The following DPY19L1 variants were observed in gnomAD, a reference collection of about 807,000 sequenced individuals.
DPY19L1 encodes dpy-19 like C-mannosyltransferase 1, also known as protein C-mannosyl-transferase DPY19L1.
Under a neutral mutation model 96.9 loss-of-function variants are expected in DPY19L1, and 35 were observed. That is an observed-to-expected ratio of 0.36 (90% CI 0.28 to 0.48). DPY19L1 has a LOEUF of 0.48. DPY19L1 is among the 20% of genes least tolerant of loss of function. DPY19L1 has a pLI of 0.99. For missense variants in DPY19L1, 521 were observed against 777.9 expected (o/e 0.67, Z 3.93); for synonymous variants, 205 against 252.6 (o/e 0.81, Z 1.79).
At chr7:34,936,146 A>G (rs114199750) in intron 21 of DPY19L1, among the ~76,000 whole-genome samples, 3,098 of 152,330 alleles carry the variant, frequency 0.02, 51 homozygotes, top group African/African-American at 0.07. Context: ...GATTGCTCGT[A>G]AGTGACTTGA....
chr7:34,957,992 T>C lies in DPY19L1; in HGVS notation c.1171A>G (p.Ile391Val). 1 of 1,572,148 alleles carries C rather than the reference T, an allele frequency of 6.4e-7. No homozygotes were observed. The highest frequency in any genetic ancestry group is 2.0e-5 in the Admixed American group (1 of 50,776). The change falls in exon 11 of 22, where the codon ATT (isoleucine) becomes GTT (valine). Residue 391 changes from isoleucine to valine, a missense_variant. Ile to Val is a conservative substitution (Grantham distance 29). Transcript: ENST00000638088. ...TGTTAAGGAATACTTACCCAAATAA[T>C]TACCAAAGAAGAAGCATAATAAGAA... Reference protein sequence around the residue: ...LTSYYASSLVIIWGILAMKPH... With the variant: ...LTSYYASSLVVIWGILAMKPH...
intron 1 of DPY19L1, among the ~76,000 whole-genome samples, chr7:35,027,913 A>G (rs1198057041): frequency 6.6e-6 from 1 of 152,204 alleles, no homozygotes; most frequent in Non-Finnish European, 1.5e-5. Context: ...TCTAGAAATC[A>G]GTGGTCTACA....
Position 35,028,900 on chromosome 7 carries a change from G to A in DPY19L1, c.298+8197C>T, listed in dbSNP as rs116881673. 9.9e-5 allele frequency among the ~76,000 whole-genome samples: 15 copies of A among 152,266 alleles called. No individual in the cohort carries two copies. The East Asian group carries it at 2.7e-3, about 27-fold the overall frequency. On this transcript the variant is annotated intron_variant, in intron 1 of 21. Coordinates refer to ENST00000638088, the MANE Select transcript of DPY19L1 (RefSeq NM_001366673.1). The stretch of plus-strand genomic sequence containing the variant: ...GCCATGGCATTTGTAAACTGTCATG[G>A]CACTGGTGGATATGTCTTTTAGCAT...
chr7:34,978,270 T>C (rs895102595), intron 7 of DPY19L1, among the ~76,000 whole-genome samples: 1 of 152,196 alleles, frequency 6.6e-6, no homozygotes, highest in African/African-American at 2.4e-5. Context: ...GCTGGATCAA[T>C]CCTAACTTGT....
At position 34,930,562 on chromosome 7, in the gene DPY19L1, T is replaced by C. The variant is rs1468407388; in HGVS notation, c.*1011A>G. The C allele has an allele frequency of 6.6e-6, 1 of 152,196 alleles. No individual in the cohort carries two copies. Among genetic ancestry groups the C allele is most frequent in the Non-Finnish European group, 1.5e-5 (1 of 68,034 alleles). The allele number at this position is 152,196 out of a possible 1,614,324, so 9.4% of individuals were successfully genotyped here. A position where few individuals can be genotyped will look rare whatever the true frequency, so the allele number is the denominator to read the frequency against. On this transcript the variant is annotated 3_prime_UTR_variant, in exon 22 of 22. Transcript: ENST00000638088. ...TTTGACAGCAAAATTAGTCATGTTT[T>C]ATTGTATCTTAATAGTAAAAGAAAA...
chr7:34,955,943 T>C (rs1784368997), intron 11 of DPY19L1, among the ~76,000 whole-genome samples: 2 of 138,978 alleles, frequency 1.4e-5, no homozygotes, highest in South Asian at 5.1e-4. Context: ...ATACAAAATG[T>C]GATACAATTC....
At chr7:35,027,301 T>C (rs1438051834) in intron 1 of DPY19L1, among the ~76,000 whole-genome samples, 2 of 152,288 alleles carry the variant, frequency 1.3e-5, no homozygotes, top group African/African-American at 4.8e-5. Context: ...CTGTTATCAC[T>C]AACACGCTGG....
intron 10 of DPY19L1, among the ~76,000 whole-genome samples, chr7:34,958,768 TAA>T (rs1784430220): frequency 2.6e-5 from 4 of 152,346 alleles, no homozygotes; most frequent in Middle Eastern, 3.4e-3. Context: ...ATTATTCTTT[TAA>T]ATATTTGCCA....
chr7:34,992,601 G>C (rs1441908310), intron 6 of DPY19L1, among the ~76,000 whole-genome samples: 1 of 147,648 alleles, frequency 6.8e-6, no homozygotes. Context: ...AGCTAGGGTA[G>C]AGTGGCACAA....
intron 6 of DPY19L1, among the ~76,000 whole-genome samples, chr7:35,003,630 T>C (rs1233271613): frequency 6.6e-6 from 1 of 152,242 alleles, no homozygotes; most frequent in Non-Finnish European, 1.5e-5. Flanking sequence ...CCACTACATT[T>C]CTGCCAGATG....
rs936493223 is a variant in DPY19L1, at chr7:34,930,533, C to A, written c.*1040G>T. 3.9e-5 allele frequency: 6 copies of A among 152,112 alleles called. No individual in the cohort carries two copies. The highest frequency in any genetic ancestry group is 1.4e-4 in the African/African-American group (6 of 41,432). The allele number at this position is 152,112 out of a possible 1,614,324, so 9.4% of individuals were successfully genotyped here. A position where few individuals can be genotyped will look rare whatever the true frequency, so the allele number is the denominator to read the frequency against. On this transcript the variant is annotated 3_prime_UTR_variant, in exon 22 of 22. Coordinates refer to ENST00000638088, the MANE Select transcript of DPY19L1 (RefSeq NM_001366673.1). Reference sequence around the variant, plus strand: ...AAACTCCATTTATCATTATTCTTTACATTTTTGACAGCAAAATTAGTCATG... The same window carrying A: ...AAACTCCATTTATCATTATTCTTTAAATTTTTGACAGCAAAATTAGTCATG...
chr7:35,016,966 T>C (rs911510048), intron 3 of DPY19L1, among the ~76,000 whole-genome samples: 1 of 151,288 alleles, frequency 6.6e-6, no homozygotes, highest in Non-Finnish European at 1.5e-5. Context: ...GTGTAGGCAC[T>C]GTTTGGATCC....
intron 10 of DPY19L1, among the ~76,000 whole-genome samples, chr7:34,966,163 T>C (rs1784603755): frequency 6.6e-6 from 1 of 152,026 alleles, no homozygotes; most frequent in Admixed American, 6.6e-5. Flanking sequence ...CCTTCTAACA[T>C]CCTACATAAT....
intron 6 of DPY19L1, among the ~76,000 whole-genome samples, chr7:35,003,850 T>G (rs1306014299): frequency 3.3e-5 from 5 of 152,228 alleles, no homozygotes; most frequent in Non-Finnish European, 5.9e-5. Flanking sequence ...TCAGGGGAGT[T>G]GCAGTCAATG....
chr7:34,956,509 ATT>A (rs1167215800), intron 11 of DPY19L1, among the ~76,000 whole-genome samples: 7 of 145,288 alleles, frequency 4.8e-5, no homozygotes, highest in Admixed American at 2.1e-4. Flanking sequence ...AGAAATGGGT[ATT>A]TTTTTTTTTT....
chr7:34,951,068 GA>G (rs1177928993), intron 13 of DPY19L1, among the ~76,000 whole-genome samples: 2 of 151,956 alleles, frequency 1.3e-5, no homozygotes, highest in East Asian at 3.8e-4. Flanking sequence ...TATATGAAAA[GA>G]GACAATAAAT....
chr7:35,010,389 A>G, intron 6 of DPY19L1, 79 bp downstream of exon 6: 1 of 809,370 alleles, frequency 1.2e-6, no homozygotes, highest in Non-Finnish European at 1.9e-6. Flanking sequence ...TGAACTATAA[A>G]TTAATCAATG....
intron 6 of DPY19L1, among the ~76,000 whole-genome samples, chr7:34,990,838 C>T (rs558788667): frequency 1.3e-5 from 2 of 152,302 alleles, no homozygotes; most frequent in African/African-American, 4.8e-5. Flanking sequence ...TCTCTATCTA[C>T]CTTCCTTTTA....
At chr7:34,966,287 C>G (rs192387782) in intron 10 of DPY19L1, among the ~76,000 whole-genome samples, 1 of 152,212 alleles carries the variant, frequency 6.6e-6, no homozygotes, top group East Asian at 1.9e-4. Context: ...AGTTGACGCT[C>G]AGTTAATGAA....
Sources: allele counts gnomAD v4.1 joint callset (sites outside exome capture counted in the v4.1 genomes callset), GRCh38; gene constraint gnomAD v4.1.1; transcripts MANE v1.5; gene names NCBI Gene and HGNC (gene_info 2026-07-23, HGNC 2026-07-21).